The following CNTNAP2 variants were observed in gnomAD, a reference collection of about 807,000 sequenced individuals.
CNTNAP2 encodes the protein contactin associated protein 2, also known as contactin-associated protein-like 2.
A neutral mutation model predicts 155.2 loss-of-function variants in CNTNAP2; 98 were observed. The observed-to-expected ratio is 0.63, with a 90% confidence interval of 0.54 to 0.75. The LOEUF (loss-of-function observed/expected upper bound fraction) is 0.75, where lower values mean the gene tolerates loss of function less well. Among genes scored for constraint, CNTNAP2 ranks in the 30% least tolerant of loss-of-function variants. The pLI, the probability that CNTNAP2 is intolerant of heterozygous loss-of-function variation, is 0.00. For synonymous variants in CNTNAP2, 651 were observed against 631.2 expected (o/e 1.03, Z -0.47); for missense variants, 1,727 against 1,688.1 (o/e 1.02, Z -0.40).
At chr7:146,625,220 T>A (rs1249205625) in intron 1 of CNTNAP2, among the ~76,000 whole-genome samples, 1 of 151,946 alleles carries the variant, frequency 6.6e-6, no homozygotes, top group Non-Finnish European at 1.5e-5. Context: ...AGCACATTAT[T>A]AATTAGAAGA....
chr7:148,368,532 G>A (rs962809449), intron 21 of CNTNAP2, among the ~76,000 whole-genome samples: 8 of 152,184 alleles, frequency 5.3e-5, no homozygotes, highest in African/African-American at 1.4e-4. Context: ...TACAGTGAGC[G>A]ACAATCAGAA....
At chr7:148,408,177 A>C (rs775413551) in intron 22 of CNTNAP2, among the ~76,000 whole-genome samples, 12 of 152,196 alleles carry the variant, frequency 7.9e-5, no homozygotes, top group Non-Finnish European at 1.5e-4. Context: ...CCTGCAAGGC[A>C]GCAGTTGCAG....
intron 3 of CNTNAP2, among the ~76,000 whole-genome samples, chr7:146,939,303 G>A (rs1293260962): frequency 6.6e-6 from 1 of 152,130 alleles, no homozygotes; most frequent in East Asian, 1.9e-4. Flanking sequence ...TTTCCATTTG[G>A]GGAATCTATT....
intron 1 of CNTNAP2, among the ~76,000 whole-genome samples, chr7:146,713,653 C>A (rs935489393): frequency 2.0e-5 from 3 of 152,134 alleles, no homozygotes; most frequent in African/African-American, 2.4e-5. Flanking sequence ...AAATTCCTTT[C>A]CAAATGTGAT....
chr7:146,911,873 T>G (rs1053798479), intron 3 of CNTNAP2, among the ~76,000 whole-genome samples: 2 of 152,178 alleles, frequency 1.3e-5, no homozygotes, highest in African/African-American at 4.8e-5. Flanking sequence ...TTATATATAA[T>G]ACATGGTAAT....
chr7:146,633,832 GAAAAA>G (rs60993956), intron 1 of CNTNAP2, among the ~76,000 whole-genome samples: 801 of 78,992 alleles, frequency 0.01, 4 homozygotes, highest in South Asian at 0.026. Flanking sequence ...TGCATCTAGA[GAAAAA>G]AAAAAAAAAA....
At chr7:146,322,954 T>A (rs1358973544) in intron 1 of CNTNAP2, among the ~76,000 whole-genome samples, 2 of 152,042 alleles carry the variant, frequency 1.3e-5, no homozygotes, top group African/African-American at 2.4e-5. Flanking sequence ...TCTTACAAAA[T>A]ATTATCTTTC....
At chr7:147,807,979 T>C (rs544572269) in intron 13 of CNTNAP2, among the ~76,000 whole-genome samples, 12 of 150,734 alleles carry the variant, frequency 8.0e-5, no homozygotes, top group Non-Finnish European at 1.6e-4. Context: ...ATGTTCACTT[T>C]CTTTTTTAAA....
chr7:147,483,230 T>TAGC (rs1554490281), intron 10 of CNTNAP2, among the ~76,000 whole-genome samples: 1 of 151,462 alleles, frequency 6.6e-6, no homozygotes, highest in Non-Finnish European at 1.5e-5. Flanking sequence ...AAATTAAAAA[T>TAGC]AATACGATGA....
chr7:148,233,996 A>G (rs1796007062), intron 20 of CNTNAP2, among the ~76,000 whole-genome samples: 1 of 152,114 alleles, frequency 6.6e-6, no homozygotes, highest in South Asian at 2.1e-4. Context: ...TTTGTCTTCT[A>G]CTATGATTGT....
At position 147,460,920 on chromosome 7, in the gene CNTNAP2, G is replaced by T. The variant is rs572220887; in HGVS notation, c.1671-25015G>T. On this transcript the variant is annotated intron_variant, in intron 10 of 23. Coordinates refer to ENST00000361727, the MANE Select transcript of CNTNAP2 (RefSeq NM_014141.6). ...TTTTGATCTTTCTACTTAGTCAATT[G>T]TTTGGCCGAATACATTGACTTATTT... is the stretch of plus-strand genomic sequence containing the variant. Among the ~76,000 whole-genome samples the T allele has an allele frequency of 1.8e-4, 28 of 152,254 alleles. No homozygotes were observed. The South Asian group carries it at 5.2e-3, about 28-fold the overall frequency.
At chr7:146,360,265 C>A (rs1206045676) in intron 1 of CNTNAP2, among the ~76,000 whole-genome samples, 1 of 152,170 alleles carries the variant, frequency 6.6e-6, no homozygotes, top group Non-Finnish European at 1.5e-5. Context: ...ACACATTTGA[C>A]TTTCAGTGAG....
At chr7:146,606,678 C>A (rs2129153097) in intron 1 of CNTNAP2, among the ~76,000 whole-genome samples, 1 of 152,164 alleles carries the variant, frequency 6.6e-6, no homozygotes, top group Admixed American at 6.5e-5. Context: ...TTGACAAAAC[C>A]CACTTATTTT....
At chr7:148,329,969 CA>C (rs1191470491) in intron 21 of CNTNAP2, among the ~76,000 whole-genome samples, 3 of 152,220 alleles carry the variant, frequency 2.0e-5, no homozygotes, top group Non-Finnish European at 4.4e-5. Flanking sequence ...CTGAGGCCCC[CA>C]CCCTCCCCAG....
intron 15 of CNTNAP2, among the ~76,000 whole-genome samples, chr7:148,015,217 A>T (rs2373289): frequency 0.31 from 46,374 of 151,894 alleles, 7,378 homozygotes; most frequent in East Asian, 0.51. Context: ...GTATTTTTTT[A>T]AAAAAGATGC....
chr7:146,795,744 A>G (rs2129190171), intron 2 of CNTNAP2, among the ~76,000 whole-genome samples: 1 of 152,316 alleles, frequency 6.6e-6, no homozygotes, highest in South Asian at 2.1e-4. Flanking sequence ...CTATTATTTG[A>G]TAAAATTGAC....
chr7:146,999,803 C>T (rs948651082), intron 3 of CNTNAP2, among the ~76,000 whole-genome samples: 1 of 151,986 alleles, frequency 6.6e-6, no homozygotes, highest in Non-Finnish European at 1.5e-5. Flanking sequence ...TGCTGCTTTC[C>T]AAATCCTCTT....
intron 1 of CNTNAP2, among the ~76,000 whole-genome samples, chr7:146,523,562 T>C (rs945103474): frequency 1.8e-4 from 28 of 152,166 alleles, no homozygotes; most frequent in African/African-American, 6.8e-4. Context: ...AGGTTTATTA[T>C]TTCCTTTTAT....
chr7:146,620,785 GT>G (rs1325342173), intron 1 of CNTNAP2, among the ~76,000 whole-genome samples: 1 of 152,028 alleles, frequency 6.6e-6, no homozygotes, highest in Non-Finnish European at 1.5e-5. Flanking sequence ...TATTAATGTT[GT>G]TGCTATGTGT....
Sources: allele counts gnomAD v4.1 joint callset (sites outside exome capture counted in the v4.1 genomes callset), GRCh38; gene constraint gnomAD v4.1.1; transcripts MANE v1.5; gene names NCBI Gene and HGNC (gene_info 2026-07-23, HGNC 2026-07-21).